Variants in CRLF3 observed in about 807,000 individuals in gnomAD.
CRLF3 encodes the protein cytokine receptor like factor 3.
A neutral mutation model predicts 55.0 loss-of-function variants in CRLF3; 33 were observed. The observed-to-expected ratio is 0.60, with a 90% confidence interval of 0.46 to 0.80. The LOEUF (loss-of-function observed/expected upper bound fraction) is 0.80, where lower values mean the gene tolerates loss of function less well. Among genes scored for constraint, CRLF3 ranks in the 30% least tolerant of loss-of-function variants. CRLF3 has a pLI of 0.00. For synonymous variants in CRLF3, 238 were observed against 196.8 expected, an observed-to-expected ratio of 1.21 and a Z score of -1.75; for missense variants, 494 against 538.4, an observed-to-expected ratio of 0.92 and a Z score of 0.82.
At position 30,793,431 on chromosome 17, in the gene CRLF3, G is replaced by C. The variant is rs938848305; in HGVS notation, c.826+19C>G. On this transcript the variant is annotated intron_variant, in intron 5 of 7. Coordinates refer to ENST00000324238, the MANE Select transcript of CRLF3 (RefSeq NM_015986.4). The stretch of plus-strand genomic sequence containing the variant: ...TAATATATAGTTAGGCTTCAGGAGA[G>C]AAAAGGTTAGCAGCATACCATGAGG... The C allele has an allele frequency of 4.4e-6, 7 of 1,595,098 alleles. No homozygotes were observed. In the African/African-American group the frequency reaches 9.4e-5, roughly 21 times the overall value.
chr17:30,784,792 C>A (rs1051012906), intron 7 of CRLF3: 36 of 206,976 alleles, frequency 1.7e-4, no homozygotes, highest in South Asian at 5.0e-4. Flanking sequence ...GAGTTTCACT[C>A]TTGTTGCCCA....
chr17:30,786,096 C>T, intron 6 of CRLF3, 65 bp from the exon 7 acceptor site: 1 of 880,116 alleles, frequency 1.1e-6, no homozygotes, highest in South Asian at 1.4e-5. Context: ...TACTTAACAG[C>T]CACTAGCTTA....
At chr17:30,790,574 C>T (rs899324495) in intron 6 of CRLF3, 2 of 129,746 alleles carry the variant, frequency 1.5e-5, no homozygotes, top group Admixed American at 8.4e-5. Context: ...TCACAAAGGA[C>T]AAAACAAATT....
intron 1 of CRLF3, among the ~76,000 whole-genome samples, chr17:30,810,484 C>T (rs1904578303): frequency 6.6e-6 from 1 of 152,098 alleles, no homozygotes; most frequent in African/African-American, 2.4e-5. Context: ...ATCACTTGAA[C>T]CCGGGAAGCG....
intron 1 of CRLF3, among the ~76,000 whole-genome samples, chr17:30,809,165 C>G (rs1904531525): frequency 6.6e-6 from 1 of 152,102 alleles, no homozygotes; most frequent in Admixed American, 6.6e-5. Context: ...GTTTTTGTTT[C>G]AGAACCTCAG....
At chr17:30,789,262 T>C (rs1193038657) in intron 6 of CRLF3, among the ~76,000 whole-genome samples, 1 of 152,218 alleles carries the variant, frequency 6.6e-6, no homozygotes, top group Non-Finnish European at 1.5e-5. Flanking sequence ...TGAGACCTAA[T>C]GTGTCTTTCA....
rs747340532 is a variant in CRLF3, at chr17:30,797,775, G to GTTT, written c.338-380_338-378dup. Reference sequence around the variant, plus strand: ...TGAGAGGTGCAACAGGGGATAGGGTGTTTTTTTTTTTTTTTTTGAGACTGG... The same window carrying GTTT: ...TGAGAGGTGCAACAGGGGATAGGGTGTTTTTTTTTTTTTTTTTTTTGAGACTGG... On this transcript the variant is annotated intron_variant, in intron 2 of 7. Coordinates refer to ENST00000324238, the MANE Select transcript of CRLF3 (RefSeq NM_015986.4). Among the ~76,000 whole-genome samples, 104 of 128,126 alleles carry GTTT rather than the reference G, an allele frequency of 8.1e-4. 1 individual carries two copies. Among genetic ancestry groups the GTTT allele is most frequent in the East Asian group, 1.6e-3 (7 of 4,366 alleles). The allele number at this position is 128,126 out of a possible 152,430, so 84.1% of individuals were successfully genotyped here. A position where few individuals can be genotyped will look rare whatever the true frequency, so the allele number is the denominator to read the frequency against.
rs546963282 is a variant in CRLF3, at chr17:30,815,088, T to C, written c.129+9435A>G. On this transcript the variant is annotated intron_variant, in intron 1 of 7. Transcript: ENST00000324238. ...TTCTTTCTTTTTTCTTTCTTTCTTT[T>C]TTTTTTTTTTTTTTTGAGATGAAGT... Among the ~76,000 whole-genome samples, 610 of 141,030 alleles carry C rather than the reference T, an allele frequency of 4.3e-3. 3 individuals carry two copies. The highest frequency in any genetic ancestry group is 0.026 in the South Asian group (119 of 4,500). The allele number at this position is 141,030 out of a possible 152,430, so 92.5% of individuals were successfully genotyped here.
chr17:30,808,733 C>T (rs1441259465), intron 1 of CRLF3, among the ~76,000 whole-genome samples: 1 of 152,042 alleles, frequency 6.6e-6, no homozygotes, highest in Non-Finnish European at 1.5e-5. Flanking sequence ...GCTGGGATTA[C>T]AGGCATGCGC....
intron 2 of CRLF3, among the ~76,000 whole-genome samples, chr17:30,801,947 T>C (rs1368469247): frequency 1.3e-5 from 2 of 151,788 alleles, no homozygotes; most frequent in Non-Finnish European, 2.9e-5. Flanking sequence ...TTCCTATGTC[T>C]GCTGGATGAA....
intron 1 of CRLF3, among the ~76,000 whole-genome samples, chr17:30,821,771 G>C (rs1462356640): frequency 6.6e-6 from 1 of 152,118 alleles, no homozygotes; most frequent in East Asian, 1.9e-4. Flanking sequence ...CAGGGGGTAT[G>C]GGAGTGACAG....
chr17:30,807,683 C>T (rs1904459579), intron 1 of CRLF3, among the ~76,000 whole-genome samples: 1 of 151,818 alleles, frequency 6.6e-6, no homozygotes, highest in Non-Finnish European at 1.5e-5. Flanking sequence ...CAGGCGCATG[C>T]CACCACGCCT....
At chr17:30,812,183 C>G (rs1376770302) in intron 1 of CRLF3, among the ~76,000 whole-genome samples, 2 of 151,996 alleles carry the variant, frequency 1.3e-5, no homozygotes, top group African/African-American at 4.8e-5. Flanking sequence ...AAACGCTAAT[C>G]AACATATTTT....
chr17:30,795,506 A>G (rs1439913626), intron 4 of CRLF3, among the ~76,000 whole-genome samples: 1 of 145,526 alleles, frequency 6.9e-6, no homozygotes, highest in Non-Finnish European at 1.5e-5. Flanking sequence ...CAAAAAAAAA[A>G]AAAAAGAAAA....
At chr17:30,812,672 T>G (rs1214071333) in intron 1 of CRLF3, among the ~76,000 whole-genome samples, 1 of 152,128 alleles carries the variant, frequency 6.6e-6, no homozygotes, top group Admixed American at 6.6e-5. Context: ...TGTGGTCCTC[T>G]CCCCTAGAAT....
intron 1 of CRLF3, among the ~76,000 whole-genome samples, chr17:30,822,855 TTTC>T (rs2142279104): frequency 6.6e-6 from 1 of 152,318 alleles, no homozygotes. Context: ...TTTTAATATC[TTTC>T]TTTTCATACA....
rs116807421 is a variant in CRLF3 at position 30,823,348 on chromosome 17, C to T, written c.129+1175G>A. On this transcript the variant is annotated intron_variant, in intron 1 of 7. Transcript: ENST00000324238. ...CCACTGCACTCCACCCTGAGCGACA[C>T]AGCCAGACTCCGTCTCAAAAAAAAC... is the stretch of plus-strand genomic sequence containing the variant. Among the ~76,000 whole-genome samples the T allele has an allele frequency of 9.4e-3, 1,429 of 151,788 alleles. 20 individuals are homozygous for T. The highest frequency in any genetic ancestry group is 0.032 in the African/African-American group (1,326 of 41,386).
intron 7 of CRLF3, 122 bp downstream of exon 7, chr17:30,785,789 AAAAAAAAG>A: frequency 5.2e-6 from 3 of 579,966 alleles, no homozygotes; most frequent in Non-Finnish European, 8.9e-6. Flanking sequence ...AATAAAAAAA[AAAAAAAAG>A]AAAAAGAAAA....
At chr17:30,797,987 C>CTCATCTCTA (rs759150922) in intron 2 of CRLF3, among the ~76,000 whole-genome samples, 2 of 149,300 alleles carry the variant, frequency 1.3e-5, no homozygotes, top group African/African-American at 4.9e-5. Context: ...ACTATGTTGC[C>CTCATCTCTA]CAGGCTGGGC....
Sources: allele counts gnomAD v4.1 joint callset (sites outside exome capture counted in the v4.1 genomes callset), GRCh38; gene constraint gnomAD v4.1.1; transcripts MANE v1.5; gene names NCBI Gene and HGNC (gene_info 2026-07-23, HGNC 2026-07-21).